Variants in PRUNE2 observed in about 807,000 individuals in gnomAD.
The protein encoded by PRUNE2 is protein prune homolog 2.
PRUNE2 carries 164 observed loss-of-function variants against 252.0 expected under a neutral mutation model. That is an observed-to-expected ratio of 0.65 (90% CI 0.57 to 0.74). The LOEUF (loss-of-function observed/expected upper bound fraction) is 0.74, where lower values mean the gene tolerates loss of function less well. PRUNE2 is among the 30% of genes least tolerant of loss of function. The pLI, the probability that PRUNE2 is intolerant of heterozygous loss-of-function variation, is 0.00. For missense variants in PRUNE2, 3,495 were observed against 3,711.0 expected, an observed-to-expected ratio of 0.94 and a Z score of 1.51; for synonymous variants, 1,292 against 1,350.2, an observed-to-expected ratio of 0.96 and a Z score of 0.94.
At chr9:76,835,425 T>C (rs1216634008) in intron 4 of PRUNE2, among the ~76,000 whole-genome samples, 1 of 152,178 alleles carries the variant, frequency 6.6e-6, no homozygotes, top group Non-Finnish European at 1.5e-5. Context: ...TACGTTTTTG[T>C]CTGAAGAGGT....
At chr9:76,683,314 T>C (rs950301780) in intron 9 of PRUNE2, among the ~76,000 whole-genome samples, 3 of 152,146 alleles carry the variant, frequency 2.0e-5, no homozygotes, top group African/African-American at 7.2e-5. Context: ...GACTGTAATG[T>C]AAACCTGAGG....
chr9:76,788,054 A>C (rs1390764033), intron 6 of PRUNE2, among the ~76,000 whole-genome samples: 1 of 151,972 alleles, frequency 6.6e-6, no homozygotes, highest in Non-Finnish European at 1.5e-5. Context: ...AGAGTCCCTG[A>C]CTTCTGAAGC....
chr9:76,836,834 C>T (rs180764442), intron 4 of PRUNE2, among the ~76,000 whole-genome samples: 9 of 152,206 alleles, frequency 5.9e-5, no homozygotes, highest in East Asian at 5.8e-4. Context: ...AGCAGAGTGA[C>T]GGGGGACATT....
intron 9 of PRUNE2, among the ~76,000 whole-genome samples, chr9:76,678,152 G>A (rs1274524353): frequency 2.6e-5 from 4 of 151,996 alleles, no homozygotes; most frequent in Non-Finnish European, 4.4e-5. Flanking sequence ...AGGAGTTTGA[G>A]ACCAGCCTGG....
intron 4 of PRUNE2, among the ~76,000 whole-genome samples, chr9:76,836,743 C>G (rs184860158): frequency 6.6e-6 from 1 of 152,242 alleles, no homozygotes; most frequent in South Asian, 2.1e-4. Context: ...TTTGTTAAAT[C>G]CCCCACAAAG....
chr9:76,689,760 G>A (rs979316807), intron 9 of PRUNE2, among the ~76,000 whole-genome samples: 1 of 152,176 alleles, frequency 6.6e-6, no homozygotes, highest in African/African-American at 2.4e-5. Flanking sequence ...GTGATCTTAA[G>A]ACAATCACTC....
intron 9 of PRUNE2, among the ~76,000 whole-genome samples, chr9:76,657,533 T>C (rs1396616388): frequency 6.6e-6 from 1 of 152,244 alleles, no homozygotes; most frequent in Admixed American, 6.5e-5. Context: ...TATGAGGTTT[T>C]AGTTCTGAGT....
intron 9 of PRUNE2, among the ~76,000 whole-genome samples, chr9:76,696,575 G>A (rs774125001): frequency 1.3e-5 from 2 of 152,082 alleles, no homozygotes; most frequent in African/African-American, 2.4e-5. Flanking sequence ...ACAGGTGCCC[G>A]CCACCACACC....
At chr9:76,788,933 T>A (rs939710578) in intron 6 of PRUNE2, among the ~76,000 whole-genome samples, 4 of 152,210 alleles carry the variant, frequency 2.6e-5, no homozygotes, top group African/African-American at 7.2e-5. Context: ...CTATCCTGGC[T>A]GTGCCTTGTT....
chr9:76,706,038 C>T lies in PRUNE2; in HGVS notation c.6236G>A (p.Ser2079Asn). The T allele has an allele frequency of 6.2e-7, 1 of 1,614,048 alleles. No homozygotes were observed. The highest frequency in any genetic ancestry group is 1.1e-5 in the South Asian group (1 of 91,088). ...DLWIDAKKPF[S>N]LKADGENPDI... The stretch of plus-strand genomic sequence containing the variant: ...AGGATTCTCACCATCTGCTTTCAAA[C>T]TGAAGGGCTTCTTAGCATCTATCCA... Residue 2079 changes from serine to asparagine, a missense_variant, in exon 8 of 19, where the codon AGT becomes AAT. Coordinates refer to ENST00000376718, the MANE Select transcript of PRUNE2 (RefSeq NM_015225.3).
In PRUNE2 at chr9:76,716,985, T is replaced by C. The variant is rs532685947; in HGVS notation, c.757-3264A>G. 9.8e-5 allele frequency among the ~76,000 whole-genome samples: 15 copies of C among 152,346 alleles called. No homozygotes were observed. In the South Asian group the frequency reaches 2.9e-3, roughly 29 times the overall value. On this transcript the variant is annotated intron_variant, in intron 6 of 18. Coordinates refer to ENST00000376718, the MANE Select transcript of PRUNE2 (RefSeq NM_015225.3). ...TTCATCCATGTCCCTGCAAAGGACATGACCTCATCCTTTTTTATGGCTGCA... is the reference window on the plus strand; with the variant it reads ...TTCATCCATGTCCCTGCAAAGGACACGACCTCATCCTTTTTTATGGCTGCA...
chr9:76,703,693 C>G lies in PRUNE2; in HGVS notation c.7920G>C (p.Glu2640Asp). ...TGGCATCCAGTGATGGATCACCAAC[C>G]TCACTATGGCCCAAGAACATCCAAC... The part of the protein sequence containing the change: ...DQSWMFLGHS[E>D]VGDPSLDARD... Residue 2640 changes from glutamate to aspartate, a missense_variant, in exon 9 of 19, where the codon GAG becomes GAC. By Grantham distance (45) the Glu-to-Asp change is conservative (BLOSUM62 2). Coordinates refer to ENST00000376718, the MANE Select transcript of PRUNE2 (RefSeq NM_015225.3). 1.2e-6 allele frequency: 2 copies of G among 1,613,394 alleles called. No homozygotes were observed. The highest frequency in any genetic ancestry group is 2.2e-5 in the South Asian group (2 of 91,062).
intron 6 of PRUNE2, among the ~76,000 whole-genome samples, chr9:76,716,506 T>C (rs999517291): frequency 4.6e-5 from 7 of 152,372 alleles, no homozygotes; most frequent in African/African-American, 1.7e-4. Flanking sequence ...TGACTCACAC[T>C]GCCAGCTCTT....
intron 6 of PRUNE2, among the ~76,000 whole-genome samples, chr9:76,727,772 T>TG (rs2048243997): frequency 7.2e-6 from 1 of 138,654 alleles, no homozygotes; most frequent in Non-Finnish European, 1.5e-5. Flanking sequence ...TGGAGTGCAG[T>TG]GGGGTGATTT....
Position 76,709,401 on chromosome 9 carries a change from G to C in PRUNE2, c.2873C>G (p.Ser958Trp), listed in dbSNP as rs756314243. ...ATTGGTATCTAAGGGGGAAGGCACCGAATCTTCTCCTAGGTTGGATGCACT... is the reference window on the plus strand; with the variant it reads ...ATTGGTATCTAAGGGGGAAGGCACCCAATCTTCTCCTAGGTTGGATGCACT... ...DYSASNLGED[S>W]VPSPLDTNYS... Residue 958 changes from serine to tryptophan, a missense_variant, in exon 8 of 19, where the codon TCG becomes TGG. Ser to Trp is a radical substitution (Grantham distance 177, BLOSUM62 -3). Transcript: ENST00000376718. The C allele has an allele frequency of 2.7e-5, 44 of 1,613,868 alleles. No individual in the cohort carries two copies. The African/African-American group carries it at 5.2e-4, about 19-fold the overall frequency.
At chr9:76,677,483 A>T (rs946561564) in intron 9 of PRUNE2, among the ~76,000 whole-genome samples, 1 of 152,156 alleles carries the variant, frequency 6.6e-6, no homozygotes, top group African/African-American at 2.4e-5. Flanking sequence ...AAACATTTCC[A>T]TCTGGATGAC....
chr9:76,867,931 T>G (rs1263426260), intron 1 of PRUNE2, among the ~76,000 whole-genome samples: 1 of 152,178 alleles, frequency 6.6e-6, no homozygotes, highest in Non-Finnish European at 1.5e-5. Flanking sequence ...CTTGTGTACA[T>G]GTATCTAAAT....
intron 16 of PRUNE2, 123 bp from the exon 17 acceptor site, chr9:76,624,613 T>G (rs932060426): frequency 3.5e-6 from 2 of 570,808 alleles, no homozygotes; most frequent in Non-Finnish European, 5.6e-6. Flanking sequence ...CGAAACTGTC[T>G]TCTGGAGCCC....
At chr9:76,780,477 G>A (rs1481804888) in intron 6 of PRUNE2, among the ~76,000 whole-genome samples, 3 of 152,064 alleles carry the variant, frequency 2.0e-5, no homozygotes, top group African/African-American at 7.2e-5. Context: ...CACGAGGCCA[G>A]GAGATCAAGA....
Sources: allele counts gnomAD v4.1 joint callset (sites outside exome capture counted in the v4.1 genomes callset), GRCh38; gene constraint gnomAD v4.1.1; transcripts MANE v1.5; gene names NCBI Gene and HGNC (gene_info 2026-07-23, HGNC 2026-07-21).